KAT6B: variants seen among roughly 807,000 people sequenced by gnomAD.
KAT6B encodes histone acetyltransferase KAT6B.
KAT6B carries 10 observed loss-of-function variants against 187.5 expected under a neutral mutation model. The observed-to-expected ratio is 0.05, with a 90% CI of 0.03 to 0.09. The LOEUF is 0.09. Among genes scored for constraint, KAT6B ranks in the 10% least tolerant of loss-of-function variants. The pLI, the probability that KAT6B is intolerant of heterozygous loss-of-function variation, is 1.00. For synonymous variants in KAT6B, 861 were observed against 926.8 expected (o/e 0.93, Z 1.29); for missense variants, 1,952 against 2,558.9 (o/e 0.76, Z 5.12).
chr10:75,023,632 A>G (rs1039124015), intron 16 of KAT6B: 3 of 152,204 alleles, frequency 2.0e-5, no homozygotes, highest in Admixed American at 2.0e-4. Flanking sequence ...ATAACCGTAA[A>G]TGTTTAATTA....
chr10:74,999,905 C>T (rs891916571), intron 13 of KAT6B, among the ~76,000 whole-genome samples: 2 of 152,170 alleles, frequency 1.3e-5, no homozygotes, highest in African/African-American at 2.4e-5. Context: ...TTGGGCGTAG[C>T]GTCTCACGCC....
chr10:74,955,382 A>ACCC (rs1840600476), intron 3 of KAT6B, among the ~76,000 whole-genome samples: 3 of 41,272 alleles, frequency 7.3e-5, no homozygotes, highest in African/African-American at 1.2e-4. Flanking sequence ...ACACAATTTT[A>ACCC]TCCCCCCCCC....
intron 3 of KAT6B, among the ~76,000 whole-genome samples, chr10:74,934,193 A>AAG (rs1350512940): frequency 2.0e-5 from 3 of 151,572 alleles, no homozygotes; most frequent in Non-Finnish European, 4.4e-5. Context: ...CTCCAAAAAA[A>AAG]AAAAAAAAAA....
intron 3 of KAT6B, among the ~76,000 whole-genome samples, chr10:74,895,547 C>T (rs889948692): frequency 6.6e-6 from 1 of 151,898 alleles, no homozygotes; most frequent in African/African-American, 2.4e-5. Flanking sequence ...AATCTTATTC[C>T]TTATTTTTTT....
chr10:74,972,724 GT>G (rs1841928443), intron 7 of KAT6B, 85 bp downstream of exon 7: 13 of 1,274,154 alleles, frequency 1.0e-5, no homozygotes, highest in South Asian at 1.3e-5. Context: ...TCCTTTAGGG[GT>G]TTTTTGGCAT....
chr10:74,970,159 T>G (rs994224730), intron 6 of KAT6B, 58 bp downstream of exon 6: 2 of 1,337,414 alleles, frequency 1.5e-6, no homozygotes, highest in Non-Finnish European at 2.1e-6. Flanking sequence ...AGCTTTGTCC[T>G]GAGGTCTGAC....
rs1218688653 is a variant in KAT6B at position 74,903,405 on chromosome 10, A to G, written c.622-56565A>G. Among the ~76,000 whole-genome samples, 4 of 152,200 alleles carry G rather than the reference A, an allele frequency of 2.6e-5. No homozygotes were observed. In the East Asian group the frequency reaches 7.7e-4, roughly 29 times the overall value. ...AAACCATATTCTCCAGCAGGTGGGA[A>G]GAAAGAGTGATCTGAAGCATGAATA... On this transcript the variant is annotated intron_variant, in intron 3 of 17. Coordinates refer to ENST00000287239, the MANE Select transcript of KAT6B (RefSeq NM_012330.4).
Position 75,025,260 on chromosome 10 carries a change from G to T in KAT6B, c.3664+11G>T. ...CTGACCCTTGTAGAAGTAAGTAGAGGAATGATAAAAACCTTACCCTTGAGA... is the reference window on the plus strand; with the variant it reads ...CTGACCCTTGTAGAAGTAAGTAGAGTAATGATAAAAACCTTACCCTTGAGA... On this transcript the variant is annotated intron_variant, in intron 17 of 17. Transcript: ENST00000287239. 1 of 1,613,586 alleles carries T rather than the reference G, an allele frequency of 6.2e-7. No individual in the cohort carries two copies. Among genetic ancestry groups the T allele is most frequent in the Non-Finnish European group, 8.5e-7 (1 of 1,179,788 alleles).
intron 4 of KAT6B, among the ~76,000 whole-genome samples, chr10:74,967,385 T>C (rs1312914117): frequency 2.0e-5 from 3 of 152,150 alleles, no homozygotes; most frequent in Non-Finnish European, 4.4e-5. Flanking sequence ...ATGAAATCGC[T>C]AAACCAGAGG....
intron 13 of KAT6B, among the ~76,000 whole-genome samples, chr10:75,019,281 A>AT (rs1845207856): frequency 2.0e-5 from 3 of 152,348 alleles, no homozygotes; most frequent in Middle Eastern, 6.8e-3. Context: ...ATTTACGCCT[A>AT]TTCTTCATAA....
chr10:74,976,740 T>C (rs1393322786), intron 8 of KAT6B: 4 of 308,966 alleles, frequency 1.3e-5, no homozygotes, highest in African/African-American at 8.7e-5. Context: ...TTTCAGCTCT[T>C]CCCTCTGCTC....
intron 3 of KAT6B, among the ~76,000 whole-genome samples, chr10:74,935,517 G>A (rs1211028553): frequency 1.3e-5 from 2 of 152,086 alleles, no homozygotes; most frequent in Non-Finnish European, 2.9e-5. Flanking sequence ...TGCTCAGGCT[G>A]GTCTTGAACT....
chr10:74,970,836 T>C (rs927405498), intron 6 of KAT6B, among the ~76,000 whole-genome samples: 3 of 152,240 alleles, frequency 2.0e-5, no homozygotes, highest in Non-Finnish European at 4.4e-5. Context: ...GTACATGTTT[T>C]TGTAATGTAC....
chr10:75,011,019 C>G (rs1314520135), intron 13 of KAT6B, among the ~76,000 whole-genome samples: 2 of 152,240 alleles, frequency 1.3e-5, no homozygotes, highest in African/African-American at 2.4e-5. Flanking sequence ...GTGGTAAGTT[C>G]TTGTTACCAG....
chr10:75,012,561 A>G (rs1309043861), intron 13 of KAT6B, among the ~76,000 whole-genome samples: 1 of 152,218 alleles, frequency 6.6e-6, no homozygotes, highest in African/African-American at 2.4e-5. Flanking sequence ...GGCACGTGCT[A>G]TCCTGGCACC....
At chr10:74,893,776 A>T (rs1446065107) in intron 3 of KAT6B, among the ~76,000 whole-genome samples, 8 of 150,914 alleles carry the variant, frequency 5.3e-5, no homozygotes. Context: ...AGCCAAAATT[A>T]GTGGTTTTAA....
chr10:74,943,349 A>G (rs1345243455), intron 3 of KAT6B, among the ~76,000 whole-genome samples: 1 of 152,238 alleles, frequency 6.6e-6, no homozygotes, highest in East Asian at 1.9e-4. Flanking sequence ...GAAGTGTCCC[A>G]TGTTCATAGA....
chr10:74,968,375 A>T (rs1841617970), intron 4 of KAT6B, among the ~76,000 whole-genome samples: 1 of 151,856 alleles, frequency 6.6e-6, no homozygotes, highest in Non-Finnish European at 1.5e-5. Flanking sequence ...TTAAATACAG[A>T]TGTTTAGAGT....
intron 1 of KAT6B, among the ~76,000 whole-genome samples, chr10:74,836,144 C>T (rs188318823): frequency 4.6e-4 from 70 of 152,262 alleles, no homozygotes; most frequent in East Asian, 2.9e-3. Flanking sequence ...TAGCATGTAT[C>T]GAAACTTCAT....
Sources: allele counts gnomAD v4.1 joint callset (sites outside exome capture counted in the v4.1 genomes callset), GRCh38; gene constraint gnomAD v4.1.1; transcripts MANE v1.5; gene names NCBI Gene and HGNC (gene_info 2026-07-23, HGNC 2026-07-21).